UGT1A6: variants seen among roughly 807,000 people sequenced by gnomAD.
UGT1A6 encodes the protein UDP-glucuronosyltransferase 1A6.
Under a neutral mutation model 44.4 loss-of-function variants are expected in UGT1A6, and 32 were observed. That is an observed-to-expected ratio of 0.72 (90% confidence interval 0.54 to 0.97). UGT1A6 has a LOEUF of 0.97. UGT1A6 is among the 50% of genes least tolerant of loss of function. The probability of loss-of-function intolerance (pLI) is 0.00; values close to 1 mark genes in which losing one functional copy is unlikely to be tolerated. For missense variants in UGT1A6, 685 were observed against 661.9 expected (o/e 1.03, Z -0.38); for synonymous variants, 238 against 248.5 (o/e 0.96, Z 0.40).
chr2:233,749,312 T>A (rs900685168), intron 1 of UGT1A6, among the ~76,000 whole-genome samples: 1 of 151,978 alleles, frequency 6.6e-6, no homozygotes, highest in African/African-American at 2.4e-5. Context: ...TATGTGTTTA[T>A]TAGATTTGTA....
rs1208281269 is a variant in UGT1A6 at position 233,769,345 on chromosome 2, G to C, written c.1301+906G>C. Among the ~76,000 whole-genome samples, 1 of 152,210 alleles carries C rather than the reference G, an allele frequency of 6.6e-6. No individual in the cohort carries two copies. The highest frequency in any genetic ancestry group is 1.5e-5 in the Non-Finnish European group (1 of 68,032). On this transcript the variant is annotated intron_variant, in intron 4 of 4. Coordinates refer to ENST00000305139, the MANE Select transcript of UGT1A6 (RefSeq NM_001072.4). This position sits in a 1 kb window ranked among gnomAD's most constrained non-coding sequence, Gnocchi z 4.4. ...GTAATAGGCTTATTAGAACCTTATG[G>C]GAAGAAGTGGTGGCCAGTGGTAGAT...
chr2:233,772,282 G>A lies in UGT1A6; in HGVS notation c.1322G>A (p.Arg441His), dbSNP rs748166510. The change falls in exon 5 of 5, where the codon CGC becomes CAC. Residue 441 changes from arginine to histidine, a missense_variant. Arg to His is a conservative substitution (Grantham distance 29). Transcript: ENST00000305139. ...TTTAGTTACAAGGAGAACATCATGC[G>A]CCTCTCCAGCCTTCACAAGGACCGC... ...NDKSYKENIM[R>H]LSSLHKDRPV... 13 of 1,614,078 alleles carry A rather than the reference G, an allele frequency of 8.1e-6. No homozygotes were observed. Among genetic ancestry groups the A allele is most frequent in the Middle Eastern group, 1.6e-4 (1 of 6,084 alleles).
intron 1 of UGT1A6, among the ~76,000 whole-genome samples, chr2:233,736,317 G>T (rs2078750401): frequency 6.6e-6 from 1 of 152,044 alleles, no homozygotes; most frequent in African/African-American, 2.4e-5. Flanking sequence ...ATTGAATTTT[G>T]TGCATGTGTT....
rs887601721 is a variant in UGT1A6 at position 233,701,996 on chromosome 2, G to C, written c.861+8131G>C. On this transcript the variant is annotated intron_variant, in intron 1 of 4. Coordinates refer to ENST00000305139, the MANE Select transcript of UGT1A6 (RefSeq NM_001072.4). ...AAAAGGCAAGAAATAACTAAGATCA[G>C]AGCAGAACTGAAGGAAATAGAGACA... 5.3e-5 allele frequency among the ~76,000 whole-genome samples: 8 copies of C among 152,166 alleles called. No homozygotes were observed. In the South Asian group the frequency reaches 1.0e-3, roughly 20 times the overall value.
At chr2:233,732,357 TC>T (rs2078264075) in intron 1 of UGT1A6, among the ~76,000 whole-genome samples, 1 of 152,282 alleles carries the variant, frequency 6.6e-6, no homozygotes, top group South Asian at 2.1e-4. Flanking sequence ...AGTCATGAAG[TC>T]CTGGCCCATG....
At chr2:233,699,625 C>T (rs1308666244) in intron 1 of UGT1A6, among the ~76,000 whole-genome samples, 1 of 152,194 alleles carries the variant, frequency 6.6e-6, no homozygotes, top group Non-Finnish European at 1.5e-5. Flanking sequence ...AGAATGCAAG[C>T]TCAGGCCTAG....
intron 2 of UGT1A6, 147 bp from the exon 3 acceptor site, chr2:233,767,702 C>A: frequency 1.3e-6 from 2 of 1,514,192 alleles, no homozygotes; most frequent in Non-Finnish European, 1.8e-6. Flanking sequence ...AGTTGCCAGT[C>A]CTCAGAAGCC....
At chr2:233,719,243 G>T in intron 1 of UGT1A6, 1 of 1,614,206 alleles carries the variant, frequency 6.2e-7, no homozygotes, top group South Asian at 1.1e-5. Context: ...TCAGGCACCT[G>T]AATGCTACTT....
chr2:233,701,855 G>A (rs1575472427), intron 1 of UGT1A6, among the ~76,000 whole-genome samples: 2 of 152,134 alleles, frequency 1.3e-5, no homozygotes, highest in East Asian at 1.9e-4. Flanking sequence ...GTGTGTAGAG[G>A]GAAATTTATA....
At chr2:233,707,732 A>G (rs1475890268) in intron 1 of UGT1A6, among the ~76,000 whole-genome samples, 1 of 152,222 alleles carries the variant, frequency 6.6e-6, no homozygotes, top group East Asian at 1.9e-4. Flanking sequence ...GTTACAACGA[A>G]CATTCTTTTA....
chr2:233,743,520 G>A (rs759007678), intron 1 of UGT1A6: 1 of 1,367,248 alleles, frequency 7.3e-7, no homozygotes, highest in Non-Finnish European at 9.8e-7. Flanking sequence ...CTCTGCTTCT[G>A]CTTCCCCAGC....
intron 1 of UGT1A6, chr2:233,729,346 T>G (rs1339922469): frequency 1.2e-6 from 2 of 1,614,150 alleles, no homozygotes; most frequent in South Asian, 1.1e-5. Flanking sequence ...AGAAGAGAAC[T>G]TTTTCACCCT....
In UGT1A6 at chr2:233,772,258, T is replaced by A; in HGVS notation, c.1302-4T>A. On this transcript the variant is annotated splice_polypyrimidine_tract_variant and splice_region_variant and intron_variant, in intron 4 of 4. Coordinates refer to ENST00000305139, the MANE Select transcript of UGT1A6 (RefSeq NM_001072.4). The stretch of plus-strand genomic sequence containing the variant: ...AGGCATAACGAAACTGTCTTTGTGT[T>A]TAGTTACAAGGAGAACATCATGCGC... The A allele has an allele frequency of 6.2e-7, 1 of 1,614,236 alleles. No individual in the cohort carries two copies. The highest frequency in any genetic ancestry group is 8.5e-7 in the Non-Finnish European group (1 of 1,180,048).
At chr2:233,732,755 GT>G (rs956485327) in intron 1 of UGT1A6, among the ~76,000 whole-genome samples, 12,936 of 120,072 alleles carry the variant, frequency 0.11, 575 homozygotes, top group East Asian at 0.2. Context: ...CACCAGCTTT[GT>G]TTTTTTTTTT....
At chr2:233,761,211 C>A in intron 1 of UGT1A6, 2 of 1,613,736 alleles carry the variant, frequency 1.2e-6, no homozygotes, top group South Asian at 1.1e-5. Flanking sequence ...TACTTTGGAT[C>A]GATTAACTAG....
intron 1 of UGT1A6, chr2:233,713,844 A>G: frequency 1.2e-6 from 2 of 1,614,060 alleles, no homozygotes; most frequent in Non-Finnish European, 1.7e-6. Context: ...TGCCAACGGG[A>G]AGCCACTATC....
chr2:233,744,768 G>A (rs116261344), intron 1 of UGT1A6, among the ~76,000 whole-genome samples: 5,132 of 151,930 alleles, frequency 0.034, 157 homozygotes, highest in African/African-American at 0.051. Context: ...TTTTAACTTT[G>A]CAAAATTCTC....
At chr2:233,701,706 A>G (rs1450486741) in intron 1 of UGT1A6, among the ~76,000 whole-genome samples, 2 of 152,228 alleles carry the variant, frequency 1.3e-5, no homozygotes, top group African/African-American at 4.8e-5. Flanking sequence ...AAAACCGCTC[A>G]ACTACATGGA....
chr2:233,754,698 G>A (rs1338338783), intron 1 of UGT1A6: 2 of 506,588 alleles, frequency 3.9e-6, no homozygotes, highest in African/African-American at 2.0e-5. Context: ...AGTGGAAGTC[G>A]ACATGGACTT....
Sources: allele counts gnomAD v4.1 joint callset (sites outside exome capture counted in the v4.1 genomes callset), GRCh38; gene constraint gnomAD v4.1.1; non-coding constraint Gnocchi (gnomAD v3.1); transcripts MANE v1.5; gene names NCBI Gene and HGNC (gene_info 2026-07-23, HGNC 2026-07-21).